Variants in EP300 observed in about 807,000 individuals in gnomAD.
The protein encoded by EP300 is EP300 lysine acetyltransferase.
A neutral mutation model predicts 264.0 loss-of-function variants in EP300; 31 were observed. The observed-to-expected ratio is 0.12, with a 90% CI of 0.09 to 0.16. The LOEUF is 0.16. EP300 is among the 10% of genes least tolerant of loss of function. EP300 has a pLI of 1.00. For missense variants in EP300, 2,766 were observed against 3,052.9 expected (o/e 0.91, Z 2.21); for synonymous variants, 1,340 against 1,045.4 (o/e 1.28, Z -5.44).
chr22:41,101,685 A>C (rs1207265605), intron 1 of EP300, among the ~76,000 whole-genome samples: 2 of 152,140 alleles, frequency 1.3e-5, no homozygotes, highest in African/African-American at 2.4e-5. Context: ...TGCTGGGATT[A>C]CAGGGGTAAG....
At chr22:41,129,174 T>TA (rs2058901600) in intron 4 of EP300, among the ~76,000 whole-genome samples, 2 of 112,074 alleles carry the variant, frequency 1.8e-5, no homozygotes, top group Non-Finnish European at 4.2e-5. Context: ...CCATGGCGGC[T>TA]AATTTTTTTT....
At chr22:41,156,053 C>T (rs13056241) in intron 17 of EP300, among the ~76,000 whole-genome samples, 1 of 151,768 alleles carries the variant, frequency 6.6e-6, no homozygotes. Flanking sequence ...CTCTTGTTGC[C>T]CAGGCTAGAG....
chr22:41,131,586 A>G lies in EP300; in HGVS notation c.1481A>G (p.Gln494Arg), dbSNP rs1208201455. The G allele has an allele frequency of 6.8e-6, 11 of 1,614,186 alleles. No homozygotes were observed. Among genetic ancestry groups the G allele is most frequent in the South Asian group, 1.1e-5 (1 of 91,090 alleles). The change falls in exon 6 of 31, where the codon CAG becomes CGG. Residue 494 changes from glutamine (Q) to arginine (R), a missense_variant. By Grantham distance (43) the Gln-to-Arg change is conservative. Coordinates refer to ENST00000263253, the MANE Select transcript of EP300 (RefSeq NM_001429.4). ...GTGCAAGCAAAGAACCAGCAGAATC[A>G]GCAGCCTGGGCAGTCTCCCCAAGGC... Reference protein sequence around the residue: ...PQVQAKNQQNQQPGQSPQGMR... With the variant: ...PQVQAKNQQNRQPGQSPQGMR...
chr22:41,093,669 T>C (rs1054526460), intron 1 of EP300, among the ~76,000 whole-genome samples: 1 of 152,238 alleles, frequency 6.6e-6, no homozygotes, highest in Non-Finnish European at 1.5e-5. Context: ...AGCTTTTTTT[T>C]CCTTTTTCTT....
At chr22:41,127,806 G>A (rs571094509) in intron 4 of EP300, 58 bp downstream of exon 4, 9 of 1,603,220 alleles carry the variant, frequency 5.6e-6, no homozygotes, top group Middle Eastern at 2.0e-4. Context: ...GGAGAAGAAG[G>A]AAAATGTGAT....
At position 41,178,107 on chromosome 22, in the gene EP300, C is replaced by T; in HGVS notation, c.6396C>T (p.Asn2132=). The change falls in exon 31 of 31, where the codon AAC becomes AAT. Residue 2132 remains asparagine, a synonymous_variant. Transcript: ENST00000263253. ...QGVHSNPAMQ[N]MNPMQAGVQR... The stretch of plus-strand genomic sequence containing the variant: ...TCCACTCCAATCCAGCCATGCAGAA[C>T]ATGAATCCAATGCAGGCGGGCGTTC... 6.2e-7 allele frequency: 1 copy of T among 1,614,140 alleles called. No individual in the cohort carries two copies.
intron 1 of EP300, among the ~76,000 whole-genome samples, chr22:41,106,794 G>C (rs1331004888): frequency 6.6e-6 from 1 of 151,962 alleles, no homozygotes; most frequent in Non-Finnish European, 1.5e-5. Flanking sequence ...GCAGGGTCTT[G>C]CTATGTTGCT....
chr22:41,101,937 C>T (rs1336158983), intron 1 of EP300, among the ~76,000 whole-genome samples: 1 of 152,092 alleles, frequency 6.6e-6, no homozygotes, highest in African/African-American at 2.4e-5. Context: ...TAACTTGTAG[C>T]ACTAGAGACT....
chr22:41,172,424 A>G, intron 27 of EP300, 75 bp from the exon 28 acceptor site: 3 of 1,328,382 alleles, frequency 2.3e-6, no homozygotes, highest in Non-Finnish European at 3.2e-6. Context: ...GTTTCTTGTC[A>G]GCCATGATTA....
intron 6 of EP300, among the ~76,000 whole-genome samples, chr22:41,134,771 T>G (rs2058940460): frequency 6.6e-6 from 1 of 152,254 alleles, no homozygotes; most frequent in African/African-American, 2.4e-5. Flanking sequence ...ATCTTGCCTT[T>G]TCAGGCTTCC....
rs199535477 is a variant in EP300, at chr22:41,158,444, C to T, written c.3534C>T (p.Tyr1178=). ...LEFSPQTLCC[Y]GKQLCTIPRD... is the part of the protein sequence containing the mutation. ...TCTCTCCACAGACACTGTGTTGCTA[C>T]GGCAAACAGTTGTGCACAATACCTC... Residue 1178 remains tyrosine (Y), a synonymous_variant, in exon 19 of 31, where the codon TAC becomes TAT. Transcript: ENST00000263253. The T allele has an allele frequency of 1.5e-5, 24 of 1,614,042 alleles. No homozygotes were observed. Among genetic ancestry groups the T allele is most frequent in the East Asian group, 6.7e-5 (3 of 44,904 alleles).
In EP300 at chr22:41,178,032, C is replaced by G. The variant is rs775482187; in HGVS notation, c.6321C>G (p.Pro2107=). ...PQPIPGQPGM[P]QGQPGLQPPT... ...CCATCCCTGGGCAGCCTGGCATGCC[C>G]CAGGGGCAGCCAGGGCTACAGCCAC... Residue 2107 remains proline, a synonymous_variant, in exon 31 of 31, where the codon CCC becomes CCG. Transcript: ENST00000263253. The G allele has an allele frequency of 6.2e-7, 1 of 1,614,020 alleles. No homozygotes were observed. Among genetic ancestry groups the G allele is most frequent in the Non-Finnish European group, 8.5e-7 (1 of 1,179,962 alleles).
chr22:41,121,181 A>AT (rs2058850273), intron 2 of EP300, among the ~76,000 whole-genome samples: 1 of 152,042 alleles, frequency 6.6e-6, no homozygotes, highest in Non-Finnish European at 1.5e-5. Flanking sequence ...AAAAGAAAGA[A>AT]TAGTTGTCTG....
At chr22:41,170,685 G>T in intron 27 of EP300, 114 bp downstream of exon 27, 1 of 1,028,374 alleles carries the variant, frequency 9.7e-7, no homozygotes, top group Admixed American at 2.5e-5. Flanking sequence ...TTTTTGAGAC[G>T]GAGTCTCGCT....
At chr22:41,174,939 TCCC>T (rs1280760396) in intron 29 of EP300, 4 of 150,076 alleles carry the variant, frequency 2.7e-5, no homozygotes, top group Non-Finnish European at 4.4e-5. Flanking sequence ...CCCCCACTGC[TCCC>T]CCCATCACCA....
At chr22:41,109,595 T>C (rs993017190) in intron 1 of EP300, among the ~76,000 whole-genome samples, 1 of 152,206 alleles carries the variant, frequency 6.6e-6, no homozygotes, top group South Asian at 2.1e-4. Flanking sequence ...TTATAGTGCT[T>C]AGTGTGTGCC....
At chr22:41,150,637 C>G (rs2059038689) in intron 14 of EP300, among the ~76,000 whole-genome samples, 1 of 152,020 alleles carries the variant, frequency 6.6e-6, no homozygotes, top group African/African-American at 2.4e-5. Flanking sequence ...ACTTTTCATC[C>G]TAGCACTTTG....
chr22:41,105,390 T>G (rs991295472), intron 1 of EP300, among the ~76,000 whole-genome samples: 1 of 149,314 alleles, frequency 6.7e-6, no homozygotes, highest in African/African-American at 2.5e-5. Context: ...ATGTTTTGGG[T>G]TTTTTTGTTT....
intron 24 of EP300, 57 bp downstream of exon 24, chr22:41,168,656 T>A (rs1431888712): frequency 4.3e-6 from 7 of 1,614,078 alleles, no homozygotes; most frequent in Non-Finnish European, 5.9e-6. Flanking sequence ...TCATACATGG[T>A]TACTATTGGT....
Sources: allele counts gnomAD v4.1 joint callset (sites outside exome capture counted in the v4.1 genomes callset), GRCh38; gene constraint gnomAD v4.1.1; transcripts MANE v1.5; gene names NCBI Gene and HGNC (gene_info 2026-07-23, HGNC 2026-07-21).